GAS2: variants seen among roughly 807,000 people sequenced by gnomAD.
GAS2 encodes the protein growth arrest specific 2.
A neutral mutation model predicts 37.5 loss-of-function variants in GAS2; 20 were observed. The observed-to-expected ratio is 0.53, with a 90% CI of 0.37 to 0.77. The LOEUF is 0.77. Among genes scored for constraint, GAS2 ranks in the 30% least tolerant of loss-of-function variants. The probability of loss-of-function intolerance (pLI) is 0.00; values close to 1 mark genes in which losing one functional copy is unlikely to be tolerated. For missense variants in GAS2, 336 were observed against 373.4 expected (o/e 0.90, Z 0.82); for synonymous variants, 144 against 132.2 (o/e 1.09, Z -0.61).
At chr11:22,652,622 G>C (rs954357551) in intron 1 of GAS2, among the ~76,000 whole-genome samples, 7 of 152,306 alleles carry the variant, frequency 4.6e-5, no homozygotes, top group Admixed American at 3.9e-4. Context: ...ATAATCTCCC[G>C]GTGTGCTGTG....
At chr11:22,698,521 AG>A (rs1274498123) in intron 3 of GAS2, among the ~76,000 whole-genome samples, 1 of 151,892 alleles carries the variant, frequency 6.6e-6, no homozygotes, top group African/African-American at 2.4e-5. Context: ...TCATTTTATG[AG>A]GCCAGCATCA....
chr11:22,726,959 A>G (rs1294695327), intron 4 of GAS2, among the ~76,000 whole-genome samples: 1 of 152,286 alleles, frequency 6.6e-6, no homozygotes, highest in East Asian at 1.9e-4. Context: ...GATTAATATC[A>G]TCAAAGATGT....
intron 3 of GAS2, among the ~76,000 whole-genome samples, chr11:22,718,702 C>G (rs566863726): frequency 6.6e-6 from 1 of 151,872 alleles, no homozygotes; most frequent in Non-Finnish European, 1.5e-5. Flanking sequence ...CTTTCTATTA[C>G]TCCTCATTAT....
rs1436094642 is a variant in GAS2 at position 22,726,298 on chromosome 11, C to G, written c.274C>G (p.Pro92Ala). Reference sequence around the variant, plus strand: ...GAATTTCTTTATTTTTCAGAATCTACCGTTGAAGAAGATCCCATGCAAAAC... The same window carrying G: ...GAATTTCTTTATTTTTCAGAATCTAGCGTTGAAGAAGATCCCATGCAAAAC... ...MDANKPTKNL[P>A]LKKIPCKTSA... Residue 92 changes from proline (P) to alanine (A), a missense_variant, in exon 4 of 8, where the codon CCG (proline) becomes GCG (alanine). Coordinates refer to ENST00000454584, the MANE Select transcript of GAS2 (RefSeq NM_001143830.3). 3.8e-6 allele frequency: 6 copies of G among 1,597,390 alleles called. No individual in the cohort carries two copies. The highest frequency in any genetic ancestry group is 5.1e-6 in the Non-Finnish European group (6 of 1,175,958).
chr11:22,783,737 G>A (rs542152707), intron 7 of GAS2, among the ~76,000 whole-genome samples: 233 of 152,254 alleles, frequency 1.5e-3, no homozygotes, highest in Non-Finnish European at 3.0e-3. Context: ...CCCATGTCAA[G>A]AAGGATATTT....
At chr11:22,648,421 C>T (rs1041371125) in intron 1 of GAS2, among the ~76,000 whole-genome samples, 1 of 152,018 alleles carries the variant, frequency 6.6e-6, no homozygotes, top group African/African-American at 2.4e-5. Context: ...TTTTTTGGTT[C>T]CATATGAACT....
intron 4 of GAS2, among the ~76,000 whole-genome samples, chr11:22,732,039 T>C (rs1037189246): frequency 6.6e-6 from 1 of 151,776 alleles, no homozygotes; most frequent in African/African-American, 2.4e-5. Flanking sequence ...CCTTACGCAA[T>C]GTTACACAAC....
intron 1 of GAS2, among the ~76,000 whole-genome samples, chr11:22,637,647 A>G (rs903909218): frequency 7.4e-6 from 1 of 135,546 alleles, no homozygotes; most frequent in Non-Finnish European, 1.5e-5. Context: ...ATATTTATAT[A>G]TTATTGATAT....
chr11:22,648,951 A>G (rs1311639646), intron 1 of GAS2, among the ~76,000 whole-genome samples: 1 of 151,852 alleles, frequency 6.6e-6, no homozygotes, highest in African/African-American at 2.4e-5. Flanking sequence ...TTCCAACACT[A>G]TGTTGAATAG....
At chr11:22,680,884 C>T (rs1849648897) in intron 2 of GAS2, among the ~76,000 whole-genome samples, 1 of 152,112 alleles carries the variant, frequency 6.6e-6, no homozygotes, top group Non-Finnish European at 1.5e-5. Flanking sequence ...GAGCCAAGTT[C>T]CTCTACCCTC....
At chr11:22,709,502 C>A (rs897567710) in intron 3 of GAS2, among the ~76,000 whole-genome samples, 4 of 152,094 alleles carry the variant, frequency 2.6e-5, no homozygotes, top group Non-Finnish European at 4.4e-5. Flanking sequence ...AAATGTTAGG[C>A]CTTCAGTTCG....
At chr11:22,724,187 A>G (rs11026752) in intron 3 of GAS2, among the ~76,000 whole-genome samples, 1 of 151,902 alleles carries the variant, frequency 6.6e-6, no homozygotes, top group East Asian at 1.9e-4. Context: ...TACATACATC[A>G]TAAAATGATC....
chr11:22,782,652 A>G (rs765644240), intron 7 of GAS2, among the ~76,000 whole-genome samples: 1 of 151,870 alleles, frequency 6.6e-6, no homozygotes, highest in Non-Finnish European at 1.5e-5. Flanking sequence ...ATAAGTGAGA[A>G]AATACAGTAC....
At chr11:22,772,972 G>A (rs575210574) in intron 7 of GAS2, among the ~76,000 whole-genome samples, 1 of 152,182 alleles carries the variant, frequency 6.6e-6, no homozygotes, top group East Asian at 1.9e-4. Context: ...ATAAAGAGAG[G>A]GGCCTTTAGT....
At chr11:22,735,546 T>C (rs1852709140) in intron 4 of GAS2, among the ~76,000 whole-genome samples, 1 of 151,786 alleles carries the variant, frequency 6.6e-6, no homozygotes, top group Admixed American at 6.6e-5. Flanking sequence ...ATAGAGTTGA[T>C]ATTGAGTTTT....
chr11:22,782,550 C>T (rs1855601369), intron 7 of GAS2, among the ~76,000 whole-genome samples: 1 of 151,924 alleles, frequency 6.6e-6, no homozygotes, highest in South Asian at 2.1e-4. Context: ...TTTTTCAGCT[C>T]TTGCCCCCAC....
rs1027235597 is a variant in GAS2, at chr11:22,780,738, A to G, written c.723+24785A>G. 2.8e-4 allele frequency among the ~76,000 whole-genome samples: 42 copies of G among 150,438 alleles called. 1 individual carries two copies. The highest frequency in any genetic ancestry group is 9.7e-4 in the African/African-American group (40 of 41,172). On this transcript the variant is annotated intron_variant, in intron 7 of 7. Transcript: ENST00000454584. The stretch of plus-strand genomic sequence containing the variant: ...TACTCCAGCTCAATACTTTGCCATC[A>G]CTGGTGGTAGGTCTCAGACACATAT...
intron 3 of GAS2, among the ~76,000 whole-genome samples, chr11:22,713,573 T>A (rs995394102): frequency 6.6e-6 from 1 of 152,084 alleles, no homozygotes; most frequent in African/African-American, 2.4e-5. Context: ...TTATCTAAAG[T>A]CAAGATGAAG....
At chr11:22,673,490 G>A (rs1289974000) in intron 1 of GAS2, among the ~76,000 whole-genome samples, 7 of 152,220 alleles carry the variant, frequency 4.6e-5, no homozygotes, top group East Asian at 1.9e-4. Context: ...AATGCATCTG[G>A]TTATTTCATA....
Sources: allele counts gnomAD v4.1 joint callset (sites outside exome capture counted in the v4.1 genomes callset), GRCh38; gene constraint gnomAD v4.1.1; transcripts MANE v1.5; gene names NCBI Gene and HGNC (gene_info 2026-07-23, HGNC 2026-07-21).